The following GMPR variants were observed in gnomAD, a reference collection of about 807,000 sequenced individuals.
GMPR encodes guanosine monophosphate reductase, also known as GMP reductase 1.
A neutral mutation model predicts 38.4 loss-of-function variants in GMPR; 31 were observed. That is an observed-to-expected ratio of 0.81 (90% CI 0.61 to 1.09). GMPR has a LOEUF of 1.09. Ranked by LOEUF, GMPR falls within the 50% of genes least tolerant of loss-of-function variation. The pLI, the probability that GMPR is intolerant of heterozygous loss-of-function variation, is 0.00. For missense variants in GMPR, 468 were observed against 453.7 expected (o/e 1.03, Z -0.29); for synonymous variants, 162 against 173.3 (o/e 0.93, Z 0.51).
chr6:16,285,616 T>C (rs1759663503), intron 6 of GMPR, among the ~76,000 whole-genome samples, 177 bp from the exon 7 acceptor site: 1 of 152,120 alleles, frequency 6.6e-6, no homozygotes. Flanking sequence ...AGGTGCAATA[T>C]TGAGGGGAGT....
chr6:16,278,122 A>T (rs1039393955), intron 5 of GMPR, among the ~76,000 whole-genome samples: 4 of 152,054 alleles, frequency 2.6e-5, no homozygotes, highest in African/African-American at 9.7e-5. Context: ...GCTGCAAGGG[A>T]CTTGAGGTGG....
rs763128095 is a variant in GMPR, at chr6:16,254,650, G to C, written c.380G>C (p.Cys127Ser). The C allele has an allele frequency of 4.3e-6, 7 of 1,613,494 alleles. No individual in the cohort carries two copies. The South Asian group carries it at 7.7e-5, about 18-fold the overall frequency. The change falls in exon 4 of 9, where the codon TGC (cysteine) becomes TCC (serine). Residue 127 changes from cysteine (C) to serine (S), a missense_variant. Coordinates refer to ENST00000259727, the MANE Select transcript of GMPR (RefSeq NM_006877.4). ...LEAVPQVKFI[C>S]LDVANGYSEH... Reference sequence around the variant, plus strand: ...GCTGTGCCACAGGTTAAGTTTATTTGCCTGGATGTGGCCAATGGGTATTCA... The same window carrying C: ...GCTGTGCCACAGGTTAAGTTTATTTCCCTGGATGTGGCCAATGGGTATTCA...
intron 6 of GMPR, among the ~76,000 whole-genome samples, chr6:16,281,518 T>G (rs1366702196): frequency 6.6e-6 from 1 of 152,164 alleles, no homozygotes; most frequent in Non-Finnish European, 1.5e-5. Flanking sequence ...TATTTTTTAT[T>G]TTTTTGAGAT....
chr6:16,268,191 C>CACT, intron 4 of GMPR, among the ~76,000 whole-genome samples: 1 of 152,236 alleles, frequency 6.6e-6, no homozygotes, highest in African/African-American at 2.4e-5. Flanking sequence ...GTGATGTTCT[C>CACT]TCTGAAGAGT....
Position 16,277,647 on chromosome 6 carries a change from C to T in GMPR, c.548-1137C>T, listed in dbSNP as rs1162551103. On this transcript the variant is annotated intron_variant, in intron 5 of 8. Coordinates refer to ENST00000259727, the MANE Select transcript of GMPR (RefSeq NM_006877.4). ...ACCTGATAACAACAGCGAATGTCCA[C>T]GGAGCCGACCACCCAGTACAGAAGA... 4.6e-5 allele frequency among the ~76,000 whole-genome samples: 7 copies of T among 152,182 alleles called. No individual in the cohort carries two copies. The South Asian group carries it at 1.0e-3, about 23-fold the overall frequency.
Position 16,295,447 on chromosome 6 carries a change from C to T in GMPR, c.*261C>T, listed in dbSNP as rs1759920425. 1 of 359,968 alleles carries T rather than the reference C, an allele frequency of 2.8e-6. No individual in the cohort carries two copies. Among genetic ancestry groups the T allele is most frequent in the Non-Finnish European group, 4.9e-6 (1 of 202,750 alleles). 22.3% of individuals were successfully genotyped at this position (359,968 alleles called of 1,614,324 possible). A position where few individuals can be genotyped will look rare whatever the true frequency, so the allele number is the denominator to read the frequency against. ...ACCTCATTGTTCAAACCAACACTTG[C>T]ACCTTTCTCTTTTTCTCTTTCTCTC... On this transcript the variant is annotated 3_prime_UTR_variant, in exon 9 of 9. Transcript: ENST00000259727.
intron 4 of GMPR, among the ~76,000 whole-genome samples, chr6:16,267,555 G>A (rs1257292842): frequency 6.6e-6 from 1 of 152,158 alleles, no homozygotes; most frequent in African/African-American, 2.4e-5. Flanking sequence ...CCCACCAGAA[G>A]GAAGAAACTC....
rs765191794 is a variant in GMPR, at chr6:16,254,565, G to A, written c.295G>A (p.Val99Ile). The A allele has an allele frequency of 2.5e-6, 4 of 1,613,414 alleles. No individual in the cohort carries two copies. The East Asian group carries it at 8.9e-5, about 36-fold the overall frequency. Reference sequence around the variant, plus strand: ...TTCTTGGTTTATTTTGGTGCAGAATGTAGCCGTGAGTTCAGGCAGTGGGCA... The same window carrying A: ...TTCTTGGTTTATTTTGGTGCAGAATATAGCCGTGAGTTCAGGCAGTGGGCA... ...ATNHPECLQN[V>I]AVSSGSGQND... The change falls in exon 4 of 9, where the codon GTA becomes ATA. Residue 99 changes from valine (V) to isoleucine (I), a missense_variant. By Grantham distance (29) the Val-to-Ile change is conservative. Transcript: ENST00000259727.
At position 16,250,313 on chromosome 6, in the gene GMPR, T is replaced by G. The variant is rs1484902763; in HGVS notation, c.237T>G (p.His79Gln). Reference sequence around the variant, plus strand: ...CCATGTTTACAGCAATTCATAAGCATTACTCCCTGGATGACTGGAAGCTCT... The same window carrying G: ...CCATGTTTACAGCAATTCATAAGCAGTACTCCCTGGATGACTGGAAGCTCT... ...QHSMFTAIHK[H>Q]YSLDDWKLFA... The change falls in exon 3 of 9, where the codon CAT (histidine) becomes CAG (glutamine). Residue 79 changes from histidine to glutamine, a missense_variant. Physicochemically the swap from His to Gln is conservative, Grantham distance 24. Transcript: ENST00000259727. 1 of 1,609,790 alleles carries G rather than the reference T, an allele frequency of 6.2e-7. No individual in the cohort carries two copies. Among genetic ancestry groups the G allele is most frequent in the Admixed American group, 1.7e-5 (1 of 60,014 alleles).
intron 3 of GMPR, among the ~76,000 whole-genome samples, chr6:16,251,105 G>A (rs1561820347): frequency 1.3e-5 from 2 of 152,124 alleles, no homozygotes; most frequent in Non-Finnish European, 2.9e-5. Flanking sequence ...TCATGGCAGC[G>A]TTATTCATAA....
At chr6:16,253,473 A>G (rs1415067663) in intron 3 of GMPR, among the ~76,000 whole-genome samples, 4 of 152,088 alleles carry the variant, frequency 2.6e-5, no homozygotes, top group Non-Finnish European at 4.4e-5. Context: ...GGGAGAGAGA[A>G]AGAGAGGGTG....
chr6:16,238,733 GA>G lies in GMPR; in HGVS notation c.41del (p.Asp14ValfsTer53). ...IDADLKLDFK[D>X]VLLRPKRSSL... is the part of the protein sequence containing the mutation. ...TGCGGACCTCAAGCTCGACTTCAAGGATGTCCTGCTCCGACCTAAGCGGAGC... is the reference window on the plus strand; with the variant it reads ...TGCGGACCTCAAGCTCGACTTCAAGGTGTCCTGCTCCGACCTAAGCGGAGC... On this transcript the variant is annotated frameshift_variant, in exon 1 of 9. Transcript: ENST00000259727. LOFTEE classifies it high-confidence loss of function. The G allele has an allele frequency of 6.9e-7, 1 of 1,457,962 alleles. No individual in the cohort carries two copies. 90.3% of individuals were successfully genotyped at this position (1,457,962 alleles called of 1,614,324 possible).
At chr6:16,242,474 G>A (rs1010352062) in intron 1 of GMPR, among the ~76,000 whole-genome samples, 2 of 151,920 alleles carry the variant, frequency 1.3e-5, no homozygotes, top group Non-Finnish European at 2.9e-5. Flanking sequence ...CCAAGATGTT[G>A]GCAGGGTTGA....
intron 2 of GMPR, among the ~76,000 whole-genome samples, chr6:16,248,403 T>G (rs889931599): frequency 1.3e-5 from 2 of 151,424 alleles, no homozygotes; most frequent in Admixed American, 6.6e-5. Context: ...GAGCGTCTTC[T>G]GCATCCTAGA....
rs574055874 is a variant in GMPR at position 16,294,643 on chromosome 6, G to C, written c.858-363G>C. Among the ~76,000 whole-genome samples, 32 of 152,324 alleles carry C rather than the reference G, an allele frequency of 2.1e-4. No individual in the cohort carries two copies. In the East Asian group the frequency reaches 6.2e-3, roughly 29 times the overall value. On this transcript the variant is annotated intron_variant, in intron 8 of 8. Coordinates refer to ENST00000259727, the MANE Select transcript of GMPR (RefSeq NM_006877.4). ...TTGGTGTGCATGTTGAGGTAGAATAGAAAGGTAAAGGTGGTTTCTGTTAGC... is the reference window on the plus strand; with the variant it reads ...TTGGTGTGCATGTTGAGGTAGAATACAAAGGTAAAGGTGGTTTCTGTTAGC...
intron 1 of GMPR, among the ~76,000 whole-genome samples, chr6:16,239,568 C>T (rs1284532410): frequency 6.6e-6 from 1 of 152,194 alleles, no homozygotes; most frequent in Admixed American, 6.6e-5. Flanking sequence ...GGGTGGTGTG[C>T]GCTGGTGACT....
At chr6:16,246,170 C>G (rs1408836914) in intron 1 of GMPR, among the ~76,000 whole-genome samples, 3 of 152,136 alleles carry the variant, frequency 2.0e-5, no homozygotes, top group Admixed American at 1.3e-4. Context: ...TTCTGTCAAG[C>G]CCACCCTTGT....
chr6:16,271,329 TACAAA>T (rs2113691407), intron 4 of GMPR, among the ~76,000 whole-genome samples: 1 of 151,860 alleles, frequency 6.6e-6, no homozygotes, highest in Non-Finnish European at 1.5e-5. Context: ...CTACAGAAAA[TACAAA>T]AATTAGCTAG....
chr6:16,278,789 G>C lies in GMPR; in HGVS notation c.553G>C (p.Val185Leu). The change falls in exon 6 of 9, where the codon GTG becomes CTG. Residue 185 changes from valine (V) to leucine (L), a missense_variant. Coordinates refer to ENST00000259727, the MANE Select transcript of GMPR (RefSeq NM_006877.4). Reference protein sequence around the residue: ...IIKVGVGPGSVCTTRTKTGVG... With the variant: ...IIKVGVGPGSLCTTRTKTGVG... ...CAACTTCTTTCTCTGTGCAGGTTCT[G>C]TGTGCACCACCCGCACCAAGACGGG... 1 of 1,611,456 alleles carries C rather than the reference G, an allele frequency of 6.2e-7. No individual in the cohort carries two copies. The highest frequency in any genetic ancestry group is 2.2e-5 in the East Asian group (1 of 44,880).
Sources: allele counts gnomAD v4.1 joint callset (sites outside exome capture counted in the v4.1 genomes callset), GRCh38; gene constraint gnomAD v4.1.1; transcripts MANE v1.5; gene names NCBI Gene and HGNC (gene_info 2026-07-23, HGNC 2026-07-21).